AFG1L: variants seen among roughly 807,000 people sequenced by gnomAD.
The protein encoded by AFG1L is AFG1-like ATPase.
In AFG1L, 53 loss-of-function variants were observed where a neutral mutation model predicts 62.2. The observed-to-expected ratio is 0.85, with a 90% CI of 0.68 to 1.07. The LOEUF (loss-of-function observed/expected upper bound fraction) is 1.07. AFG1L is among the 50% of genes least tolerant of loss of function. AFG1L has a pLI of 0.00. For missense variants in AFG1L, 555 were observed against 590.5 expected, an observed-to-expected ratio of 0.94 and a Z score of 0.62; for synonymous variants, 228 against 210.3, an observed-to-expected ratio of 1.08 and a Z score of -0.73.
chr6:108,445,889 A>T (rs1771766522), intron 7 of AFG1L, among the ~76,000 whole-genome samples: 1 of 152,138 alleles, frequency 6.6e-6, no homozygotes, highest in African/African-American at 2.4e-5. Context: ...AAAATGTGAT[A>T]CAGAGACACA....
intron 7 of AFG1L, among the ~76,000 whole-genome samples, chr6:108,411,059 C>T (rs983630633): frequency 6.6e-6 from 1 of 152,168 alleles, no homozygotes; most frequent in Non-Finnish European, 1.5e-5. Context: ...CGGGACACTC[C>T]CACCCAAATA....
intron 6 of AFG1L, chr6:108,388,095 C>T (rs1780854895): frequency 6.6e-6 from 1 of 152,092 alleles, no homozygotes; most frequent in Admixed American, 6.5e-5. Context: ...GCCTCAGTCA[C>T]TCATACTTCA....
intron 1 of AFG1L, among the ~76,000 whole-genome samples, chr6:108,300,773 A>G (rs1462869672): frequency 1.3e-5 from 2 of 151,898 alleles, no homozygotes; most frequent in African/African-American, 2.4e-5. Context: ...CACAGGTTCA[A>G]GCGATTCTCC....
At chr6:108,351,942 G>T (rs1779098214) in intron 3 of AFG1L, among the ~76,000 whole-genome samples, 1 of 151,974 alleles carries the variant, frequency 6.6e-6, no homozygotes, top group Non-Finnish European at 1.5e-5. Flanking sequence ...GTATTTAATT[G>T]TTTTTATTAT....
rs1332010077 is a variant in AFG1L, at chr6:108,309,618, GA to G, written c.140-14203del. Among the ~76,000 whole-genome samples the G allele has an allele frequency of 3.3e-5, 5 of 152,030 alleles. No homozygotes were observed. The East Asian group carries it at 9.6e-4, about 29-fold the overall frequency. ...CTATTGGAAAACTGTTCACCTATTG[GA>G]AAACTTTTAAATATTCTTGGAACAT... is the stretch of plus-strand genomic sequence containing the variant. On this transcript the variant is annotated intron_variant, in intron 1 of 12. Coordinates refer to ENST00000368977, the MANE Select transcript of AFG1L (RefSeq NM_145315.5).
At chr6:108,328,157 A>G (rs1778129831) in intron 2 of AFG1L, among the ~76,000 whole-genome samples, 1 of 152,192 alleles carries the variant, frequency 6.6e-6, no homozygotes, top group Non-Finnish European at 1.5e-5. Context: ...TATATGTGAT[A>G]TATATATAGG....
At chr6:108,362,920 T>C (rs1352264082) in intron 5 of AFG1L, among the ~76,000 whole-genome samples, 3 of 152,204 alleles carry the variant, frequency 2.0e-5, no homozygotes, top group African/African-American at 7.2e-5. Context: ...AAAGAGTTTT[T>C]AAGGCACTTT....
At chr6:108,389,685 T>C (rs1780957792) in intron 6 of AFG1L, among the ~76,000 whole-genome samples, 1 of 152,184 alleles carries the variant, frequency 6.6e-6, no homozygotes, top group Non-Finnish European at 1.5e-5. Context: ...TTCTTTCCTT[T>C]AAGAATGTTG....
chr6:108,438,320 C>T (rs941601064), intron 7 of AFG1L, among the ~76,000 whole-genome samples: 3 of 152,146 alleles, frequency 2.0e-5, no homozygotes, highest in Non-Finnish European at 2.9e-5. Flanking sequence ...GGCCTCTCTC[C>T]GTGACTTGCA....
intron 12 of AFG1L, chr6:108,520,124 G>T (rs1176982743): frequency 4.3e-6 from 1 of 230,740 alleles, no homozygotes; most frequent in African/African-American, 2.3e-5. Flanking sequence ...AGAGCTGGAT[G>T]CCAAACCACC....
chr6:108,369,190 G>A (rs893470730), intron 6 of AFG1L, among the ~76,000 whole-genome samples: 6 of 152,092 alleles, frequency 3.9e-5, no homozygotes, highest in Admixed American at 2.0e-4. Flanking sequence ...ACTGTAAGAC[G>A]AAGAATGAAG....
chr6:108,414,718 A>G (rs1201031731), intron 7 of AFG1L, among the ~76,000 whole-genome samples: 6 of 152,202 alleles, frequency 3.9e-5, no homozygotes, highest in Admixed American at 2.6e-4. Context: ...ACAAAATTCA[A>G]TAGCTCTTCT....
At chr6:108,313,678 C>T (rs1383299968) in intron 1 of AFG1L, among the ~76,000 whole-genome samples, 1 of 152,046 alleles carries the variant, frequency 6.6e-6, no homozygotes, top group African/African-American at 2.4e-5. Flanking sequence ...GTAGCTGGTA[C>T]AAAGGTGTGC....
At chr6:108,427,017 C>T (rs1216342937) in intron 7 of AFG1L, among the ~76,000 whole-genome samples, 1 of 152,114 alleles carries the variant, frequency 6.6e-6, no homozygotes, top group East Asian at 1.9e-4. Context: ...ATACCTTAGT[C>T]TGAGTTATAC....
intron 3 of AFG1L, among the ~76,000 whole-genome samples, chr6:108,347,516 G>A (rs1394718570): frequency 6.6e-6 from 1 of 152,100 alleles, no homozygotes; most frequent in Non-Finnish European, 1.5e-5. Context: ...TGCATAAGTG[G>A]TAACATTTCC....
At chr6:108,430,078 G>C (rs1425285721) in intron 7 of AFG1L, among the ~76,000 whole-genome samples, 1 of 151,828 alleles carries the variant, frequency 6.6e-6, no homozygotes, top group Non-Finnish European at 1.5e-5. Context: ...CTCCTGAGTG[G>C]CTGGGATTAC....
intron 10 of AFG1L, among the ~76,000 whole-genome samples, chr6:108,489,462 A>G (rs1773692182): frequency 6.6e-6 from 1 of 152,214 alleles, no homozygotes; most frequent in Admixed American, 6.5e-5. Context: ...ACAAAAAATC[A>G]ATATACTTAA....
chr6:108,452,136 A>T (rs187236145), intron 8 of AFG1L, among the ~76,000 whole-genome samples: 1 of 152,304 alleles, frequency 6.6e-6, no homozygotes, highest in Non-Finnish European at 1.5e-5. Flanking sequence ...TTGGACAGTA[A>T]TCTATTTTGA....
At chr6:108,440,623 AGCCTG>A (rs1169001303) in intron 7 of AFG1L, among the ~76,000 whole-genome samples, 2 of 150,808 alleles carry the variant, frequency 1.3e-5, no homozygotes, top group African/African-American at 2.4e-5. Context: ...GTTCAAGACC[AGCCTG>A]GCCAACATGG....
Sources: allele counts gnomAD v4.1 joint callset (sites outside exome capture counted in the v4.1 genomes callset), GRCh38; gene constraint gnomAD v4.1.1; transcripts MANE v1.5; gene names NCBI Gene and HGNC (gene_info 2026-07-23, HGNC 2026-07-21).